Variants in SGO2 observed in about 807,000 individuals in gnomAD.
SGO2 encodes shugoshin 2, also known as shugoshin-like 2.
A neutral mutation model predicts 99.5 loss-of-function variants in SGO2; 68 were observed. That is an observed-to-expected ratio of 0.68 (90% CI 0.56 to 0.84). The LOEUF (loss-of-function observed/expected upper bound fraction) is 0.84. SGO2 is among the 40% of genes least tolerant of loss of function. The pLI is 0.00. For synonymous variants in SGO2, 457 were observed against 487.1 expected (o/e 0.94, Z 0.81); for missense variants, 1,350 against 1,436.7 (o/e 0.94, Z 0.97).
At chr2:200,537,759 G>A (rs1407319518) in intron 4 of SGO2, among the ~76,000 whole-genome samples, 1 of 152,094 alleles carries the variant, frequency 6.6e-6, no homozygotes, top group Non-Finnish European at 1.5e-5. Context: ...ACTCCAGCCT[G>A]ACCATCTCCT....
chr2:200,561,829 A>G (rs1156652104), intron 5 of SGO2, among the ~76,000 whole-genome samples: 2 of 152,050 alleles, frequency 1.3e-5, no homozygotes, highest in Admixed American at 6.5e-5. Flanking sequence ...GCATTTTTTC[A>G]TGTGTCTGTT....
chr2:200,571,584 C>A lies in SGO2; in HGVS notation c.1238C>A (p.Ser413Ter), dbSNP rs763428485. 6.2e-7 allele frequency: 1 copy of A among 1,611,932 alleles called. No homozygotes were observed. Residue 413 changes from serine (S) to a stop codon, truncating the protein, a stop_gained, in exon 7 of 9, where the codon TCA (serine) becomes TAA (stop). Coordinates refer to ENST00000357799, the MANE Select transcript of SGO2 (RefSeq NM_152524.6). LOFTEE classifies it high-confidence loss of function. ...DSSSEKKRERSKRQFKNSSDV... is the reference protein window; with the variant it reads ...DSSSEKKRER ...AGCTCTGAAAAAAAGAGAGAAAGAT[C>A]AAAGAGACAGTTTAAAAATAGTTCA...
At chr2:200,533,366 G>A (rs866245619) in intron 2 of SGO2, 25 of 264,596 alleles carry the variant, frequency 9.4e-5, no homozygotes, top group African/African-American at 4.3e-4. Context: ...TTTCTACAGC[G>A]CAGAAAAAAA....
intron 5 of SGO2, among the ~76,000 whole-genome samples, chr2:200,564,444 G>T (rs1314668460): frequency 6.6e-6 from 1 of 152,160 alleles, no homozygotes; most frequent in Non-Finnish European, 1.5e-5. Flanking sequence ...TGTGATTTCT[G>T]TTCTTTTACA....
At chr2:200,566,877 G>A (rs139472806) in intron 5 of SGO2, among the ~76,000 whole-genome samples, 5,153 of 152,286 alleles carry the variant, frequency 0.034, 272 homozygotes, top group African/African-American at 0.11. Flanking sequence ...GCCAGGCGCC[G>A]GATATAATCT....
At chr2:200,535,264 C>A in intron 3 of SGO2, 93 bp downstream of exon 3, 3 of 1,161,330 alleles carry the variant, frequency 2.6e-6, no homozygotes, top group Non-Finnish European at 2.3e-6. Flanking sequence ...TTCAAATCTC[C>A]AATAGTGAAA....
Position 200,542,607 on chromosome 2 carries a change from C to T in SGO2, c.416C>T (p.Ala139Val). Residue 139 changes from alanine to valine, a missense_variant, in exon 5 of 9, where the codon GCT becomes GTT. Physicochemically the swap from Ala to Val is moderately conservative, Grantham distance 64. Coordinates refer to ENST00000357799, the MANE Select transcript of SGO2 (RefSeq NM_152524.6). ...CATCAGAGTTCCTTTCTACTGTCAG[C>T]TAGCAAGAAGAAACGAATTAGTAAA... ...EFHQSSFLLS[A>V]SKKKRISKQC... is the part of the protein sequence containing the mutation. 6.2e-7 allele frequency: 1 copy of T among 1,612,608 alleles called. No homozygotes were observed. Among genetic ancestry groups the T allele is most frequent in the Non-Finnish European group, 8.5e-7 (1 of 1,179,324 alleles).
chr2:200,579,106 G>A lies in SGO2; in HGVS notation c.3782+3645G>A, dbSNP rs371670786. 5.3e-5 allele frequency among the ~76,000 whole-genome samples: 8 copies of A among 152,312 alleles called. No homozygotes were observed. In the East Asian group the frequency reaches 1.3e-3, roughly 26 times the overall value. ...CAACTGGGAGGCAAAAGCATCCTGAGTTGAAAACCACTGGTCTATAAGTAT... is the reference window on the plus strand; with the variant it reads ...CAACTGGGAGGCAAAAGCATCCTGAATTGAAAACCACTGGTCTATAAGTAT... On this transcript the variant is annotated intron_variant, in intron 8 of 8. Coordinates refer to ENST00000357799, the MANE Select transcript of SGO2 (RefSeq NM_152524.6).
At chr2:200,532,284 G>GTTTTTTTTTTTT in intron 1 of SGO2, 1 of 151,992 alleles carries the variant, frequency 6.6e-6, no homozygotes, top group East Asian at 3.1e-4. Flanking sequence ...TTTTTTTTTT[G>GTTTTTTTTTTTT]TTTTTTTTTT....
Position 200,571,798 on chromosome 2 carries a change from A to G in SGO2, c.1452A>G (p.Arg484=). The change falls in exon 7 of 9, where the codon AGA becomes AGG. Residue 484 remains arginine (R), a synonymous_variant. Transcript: ENST00000357799. ...AAACTGGCTTTGAACAAGGTGACAG[A>G]GAAAATGTACTGTGTAATAAAAAGG... The part of the protein sequence containing the change: ...TLQTGFEQGD[R]ENVLCNKKEK... 1 of 1,613,606 alleles carries G rather than the reference A, an allele frequency of 6.2e-7. No homozygotes were observed. Among genetic ancestry groups the G allele is most frequent in the Non-Finnish European group, 8.5e-7 (1 of 1,179,612 alleles).
chr2:200,541,681 G>A (rs578166521), intron 4 of SGO2, among the ~76,000 whole-genome samples: 4 of 152,314 alleles, frequency 2.6e-5, no homozygotes, highest in African/African-American at 9.6e-5. Context: ...GTCCTCCACT[G>A]ACATTGTTGG....
At chr2:200,569,598 G>A (rs936124928) in intron 5 of SGO2, 65 bp from the exon 6 acceptor site, 11 of 1,165,536 alleles carry the variant, frequency 9.4e-6, no homozygotes, top group Non-Finnish European at 1.2e-5. Context: ...AGAAATAACT[G>A]CCCATGCATT....
chr2:200,530,506 G>T (rs1224527901), intron 1 of SGO2, among the ~76,000 whole-genome samples: 5 of 152,162 alleles, frequency 3.3e-5, no homozygotes, highest in Admixed American at 3.3e-4. Context: ...CCAAACTGAG[G>T]ACATAAATTA....
At chr2:200,552,411 C>G (rs1039366064) in intron 5 of SGO2, among the ~76,000 whole-genome samples, 1 of 152,014 alleles carries the variant, frequency 6.6e-6, no homozygotes, top group African/African-American at 2.4e-5. Flanking sequence ...AGCAAGTTTA[C>G]TAGTAAAGTT....
rs745955489 is a variant in SGO2 at position 200,571,691 on chromosome 2, G to A, written c.1345G>A (p.Gly449Ser). ...LDGKRGAEDPGFIFNNEQLAQ... is the reference protein window; with the variant it reads ...LDGKRGAEDPSFIFNNEQLAQ... ...TGGCAAAAGGGGTGCAGAAGATCCC[G>A]GTTTTATTTTCAATAATGAACAGCT... The change falls in exon 7 of 9, where the codon GGT becomes AGT. Residue 449 changes from glycine to serine, a missense_variant. By Grantham distance (56) the Gly-to-Ser change is moderately conservative (BLOSUM62 0). Transcript: ENST00000357799. The A allele has an allele frequency of 2.7e-5, 44 of 1,613,550 alleles. No individual in the cohort carries two copies. Among genetic ancestry groups the A allele is most frequent in the Middle Eastern group, 1.6e-4 (1 of 6,084 alleles).
At chr2:200,553,110 A>G (rs910939340) in intron 5 of SGO2, among the ~76,000 whole-genome samples, 6 of 152,202 alleles carry the variant, frequency 3.9e-5, no homozygotes, top group Admixed American at 3.9e-4. Flanking sequence ...TCAGAAGGCA[A>G]CAGTATGGTG....
In SGO2 at chr2:200,579,871, G is replaced by GA. The variant is rs564131466; in HGVS notation, c.3783-3575dup. On this transcript the variant is annotated intron_variant, in intron 8 of 8. Coordinates refer to ENST00000357799, the MANE Select transcript of SGO2 (RefSeq NM_152524.6). ...CTAGGTATCATATTAAGGGAATCAA[G>GA]AAAGTCACCATCTTGGTTCCTTTAA... Among the ~76,000 whole-genome samples, 41 of 152,226 alleles carry GA rather than the reference G, an allele frequency of 2.7e-4. No individual in the cohort carries two copies. In the East Asian group the frequency reaches 7.1e-3, roughly 27 times the overall value.
chr2:200,531,147 G>A (rs893636886), intron 1 of SGO2, among the ~76,000 whole-genome samples: 8 of 152,156 alleles, frequency 5.3e-5, no homozygotes, highest in African/African-American at 9.7e-5. Flanking sequence ...GCATGGATCC[G>A]TATCTAGGAA....
At chr2:200,561,270 C>G (rs1331275906) in intron 5 of SGO2, among the ~76,000 whole-genome samples, 1 of 152,126 alleles carries the variant, frequency 6.6e-6, no homozygotes, top group African/African-American at 2.4e-5. Flanking sequence ...GTTCAATTCC[C>G]ACCTATGAGT....
Sources: allele counts gnomAD v4.1 joint callset (sites outside exome capture counted in the v4.1 genomes callset), GRCh38; gene constraint gnomAD v4.1.1; transcripts MANE v1.5; gene names NCBI Gene and HGNC (gene_info 2026-07-23, HGNC 2026-07-21).